The following CNKSR2 variants were observed in gnomAD, a reference collection of about 807,000 sequenced individuals.
The protein encoded by CNKSR2 is CNK homolog protein 2.
CNKSR2 carries 14 observed loss-of-function variants against 84.4 expected under a neutral mutation model. The ratio of observed to expected loss-of-function variants is 0.17; its 90% CI spans 0.11 to 0.26. The LOEUF (loss-of-function observed/expected upper bound fraction) is 0.26. CNKSR2 is among the 10% of genes least tolerant of loss of function. The pLI, the probability that CNKSR2 is intolerant of heterozygous loss-of-function variation, is 1.00. For missense variants in CNKSR2, 485 were observed against 771.2 expected (o/e 0.63, Z 4.40); for synonymous variants, 275 against 277.9 (o/e 0.99, Z 0.10).
intron 20 of CNKSR2, among the ~76,000 whole-genome samples, chrX:21,618,607 T>A (rs1439445592): frequency 8.9e-6 from 1 of 111,998 alleles, no homozygotes; most frequent in African/African-American, 3.2e-5. Context: ...AGAGTTATAG[T>A]TGTGTAAATC....
chrX:21,566,327 A>G (rs1232143158), intron 13 of CNKSR2, among the ~76,000 whole-genome samples: 1 of 112,276 alleles, frequency 8.9e-6, no homozygotes, highest in African/African-American at 3.2e-5. Flanking sequence ...ACAAAACAAC[A>G]TACGCTTAAA....
intron 4 of CNKSR2, among the ~76,000 whole-genome samples, chrX:21,457,029 A>G (rs899054819): frequency 2.7e-5 from 3 of 111,511 alleles, no homozygotes; most frequent in African/African-American, 9.8e-5. Context: ...GAAAATATCT[A>G]GTCAGGTCCT....
At chrX:21,598,916 A>T (rs1296976412) in intron 17 of CNKSR2, among the ~76,000 whole-genome samples, 2 of 112,830 alleles carry the variant, frequency 1.8e-5, no homozygotes, top group Non-Finnish European at 3.7e-5. Flanking sequence ...TTATAACTGT[A>T]ACAAGTAAAT....
Position 21,374,854 on chromosome X carries a change from TTG to T in CNKSR2, c.-40_-39del, listed in dbSNP as rs778105325. 4.4e-6 allele frequency: 5 copies of T among 1,144,292 alleles called. No homozygotes were observed. In the South Asian group the frequency reaches 9.0e-5, roughly 21 times the overall value. The allele number at this position is 1,144,292 out of a possible 1,213,427, so 94.3% of individuals were successfully genotyped here. A position where few individuals can be genotyped will look rare whatever the true frequency, so the allele number is the denominator to read the frequency against. On this transcript the variant is annotated 5_prime_UTR_variant, in exon 1 of 22. Transcript: ENST00000379510. Reference sequence around the variant, plus strand: ...AGCAGCTCGGGCTGCTGAGTTCGTTTTGTGTCTGAGCTCTGCGCTCTGCACGG... The same window carrying T: ...AGCAGCTCGGGCTGCTGAGTTCGTTTTGTCTGAGCTCTGCGCTCTGCACGG...
chrX:21,561,200 A>G (rs1822811633), intron 11 of CNKSR2, among the ~76,000 whole-genome samples: 1 of 103,073 alleles, frequency 9.7e-6, no homozygotes, highest in Non-Finnish European at 2.0e-5. Flanking sequence ...AAAAAAAAAA[A>G]CTATACCCTT....
intron 1 of CNKSR2, among the ~76,000 whole-genome samples, chrX:21,389,008 A>C (rs1265036944): frequency 9.2e-6 from 1 of 108,346 alleles, no homozygotes; most frequent in African/African-American, 3.4e-5. Flanking sequence ...TATGATGAGA[A>C]TGGTTCTTTA....
At chrX:21,593,776 G>T (rs937066420) in intron 15 of CNKSR2, 2 of 111,436 alleles carry the variant, frequency 1.8e-5, no homozygotes, top group Non-Finnish European at 1.9e-5. Flanking sequence ...AAGTCAGATT[G>T]ACCTATTTCA....
chrX:21,378,204 A>C (rs1200033789), intron 1 of CNKSR2, among the ~76,000 whole-genome samples: 1 of 111,792 alleles, frequency 8.9e-6, no homozygotes, highest in Non-Finnish European at 1.9e-5. Flanking sequence ...GAGATATCTT[A>C]TAGACCTTCA....
intron 1 of CNKSR2, among the ~76,000 whole-genome samples, chrX:21,382,567 T>A (rs2089914130): frequency 9.0e-6 from 1 of 111,165 alleles, no homozygotes; most frequent in Non-Finnish European, 1.9e-5. Flanking sequence ...CTTAATTTTG[T>A]CCTCATAAAA....
chrX:21,460,846 A>G (rs1371978873), intron 4 of CNKSR2, among the ~76,000 whole-genome samples: 3 of 111,742 alleles, frequency 2.7e-5, no homozygotes, highest in Non-Finnish European at 5.6e-5. Context: ...TGATCTCTAG[A>G]TCCATAGATG....
At chrX:21,445,721 T>C (rs777997027) in intron 4 of CNKSR2, among the ~76,000 whole-genome samples, 8 of 112,354 alleles carry the variant, frequency 7.1e-5, no homozygotes, top group Admixed American at 6.6e-4. Flanking sequence ...GTGCTTGACT[T>C]ATTTCACTTA....
intron 11 of CNKSR2, among the ~76,000 whole-genome samples, chrX:21,545,529 A>T (rs572698121): frequency 1.8e-5 from 2 of 112,083 alleles, no homozygotes; most frequent in South Asian, 7.5e-4. Flanking sequence ...GCCAGCTCTG[A>T]AGAGAGCAGC....
intron 1 of CNKSR2, among the ~76,000 whole-genome samples, chrX:21,420,592 G>A (rs1013062481): frequency 9.0e-6 from 1 of 110,614 alleles, no homozygotes; most frequent in Non-Finnish European, 1.9e-5. Context: ...TGCTTTTTCA[G>A]GGCCCAAGGG....
intron 8 of CNKSR2, among the ~76,000 whole-genome samples, chrX:21,507,676 T>C (rs2091627400): frequency 8.9e-6 from 1 of 111,880 alleles, no homozygotes; most frequent in East Asian, 2.8e-4. Context: ...TAAATGACAT[T>C]GTAAAAATCA....
chrX:21,415,157 A>G (rs1465258042), intron 1 of CNKSR2, among the ~76,000 whole-genome samples: 2 of 111,564 alleles, frequency 1.8e-5, no homozygotes, highest in African/African-American at 6.5e-5. Context: ...TGGACATTTT[A>G]AAAAATATTC....
intron 8 of CNKSR2, chrX:21,503,847 A>C (rs1200648005): frequency 9.0e-6 from 1 of 110,944 alleles, no homozygotes; most frequent in African/African-American, 3.3e-5. Flanking sequence ...ACCTGTCATA[A>C]TGCCGGGCAC....
At chrX:21,382,960 T>A (rs2089919319) in intron 1 of CNKSR2, among the ~76,000 whole-genome samples, 1 of 112,283 alleles carries the variant, frequency 8.9e-6, no homozygotes, top group Non-Finnish European at 1.9e-5. Flanking sequence ...TTTCTATGAA[T>A]TACATGCTGC....
At chrX:21,629,139 T>G (rs2092636884) in intron 20 of CNKSR2, among the ~76,000 whole-genome samples, 1 of 111,809 alleles carries the variant, frequency 8.9e-6, no homozygotes, top group Non-Finnish European at 1.9e-5. Flanking sequence ...ATAATAAGAG[T>G]CACCTTTGCT....
intron 6 of CNKSR2, chrX:21,490,815 G>C (rs1038109939): frequency 2.8e-5 from 6 of 211,687 alleles, no homozygotes; most frequent in Non-Finnish European, 5.0e-5. Flanking sequence ...ATTTAATTTG[G>C]TACTCATTTA....
Sources: gnomAD v4.1 joint callset for allele counts (sites outside exome capture counted in the v4.1 genomes callset) on GRCh38, gnomAD v4.1.1 for gene constraint, MANE v1.5 for transcripts, NCBI Gene and HGNC (gene_info 2026-07-23, HGNC 2026-07-21) for gene names.